Variants in STYXL2 observed in about 807,000 individuals in gnomAD.
The protein encoded by STYXL2 is serine/threonine/tyrosine-interacting-like protein 2.
In STYXL2, 44 loss-of-function variants were observed where a neutral mutation model predicts 52.4. That is an observed-to-expected ratio of 0.84 (90% CI 0.66 to 1.08). STYXL2 has a LOEUF of 1.08. STYXL2 is among the 50% of genes least tolerant of loss of function. The pLI is 0.00. For missense variants in STYXL2, 1,604 were observed against 1,471.7 expected (o/e 1.09, Z -1.47); for synonymous variants, 604 against 586.9 (o/e 1.03, Z -0.42).
At chr1:167,109,974 T>C (rs1478925112) in intron 2 of STYXL2, among the ~76,000 whole-genome samples, 1 of 152,120 alleles carries the variant, frequency 6.6e-6, no homozygotes, top group Non-Finnish European at 1.5e-5. Flanking sequence ...TCCATTTCAC[T>C]CCCCTACTAC....
intron 4 of STYXL2, among the ~76,000 whole-genome samples, chr1:167,118,352 C>T (rs964799192): frequency 2.6e-5 from 4 of 152,208 alleles, no homozygotes; most frequent in Non-Finnish European, 4.4e-5. Flanking sequence ...GAGATGTTTT[C>T]CCAGTGTAAT....
chr1:167,124,670 G>A (rs947715391), intron 5 of STYXL2, among the ~76,000 whole-genome samples: 1 of 152,164 alleles, frequency 6.6e-6, no homozygotes, highest in Non-Finnish European at 1.5e-5. Context: ...GATGTTAGTA[G>A]GAATTTGTGA....
Position 167,113,715 on chromosome 1 carries a change from C to T in STYXL2, c.116C>T (p.Ser39Leu), listed in dbSNP as rs758520701. 5 of 1,611,964 alleles carry T rather than the reference C, an allele frequency of 3.1e-6. No homozygotes were observed. The highest frequency in any genetic ancestry group is 3.3e-5 in the Admixed American group (2 of 60,000). The change falls in exon 3 of 6, where the codon TCG becomes TTG. Residue 39 changes from serine (S) to leucine (L), a missense_variant. Transcript: ENST00000361200. ...YLRSPSPSQY[S>L]MVSDAETESI... ...TGAATATCCTCTTCCCTTAGGTATT[C>T]GATGGTCTCAGATGCAGAAACAGAA...
At chr1:167,113,100 C>G (rs1390854989) in intron 2 of STYXL2, among the ~76,000 whole-genome samples, 1 of 151,686 alleles carries the variant, frequency 6.6e-6, no homozygotes, top group African/African-American at 2.4e-5. Flanking sequence ...ACCCAAGTTA[C>G]TTTCTTTGCA....
At chr1:167,112,756 G>A (rs1164363958) in intron 2 of STYXL2, among the ~76,000 whole-genome samples, 4 of 152,100 alleles carry the variant, frequency 2.6e-5, no homozygotes, top group African/African-American at 7.2e-5. Context: ...TTTTCTCATC[G>A]GTAATGCAGG....
chr1:167,120,028 C>T (rs1404730670), intron 5 of STYXL2, among the ~76,000 whole-genome samples: 1 of 152,188 alleles, frequency 6.6e-6, no homozygotes, highest in East Asian at 1.9e-4. Context: ...GTTGAAGTGG[C>T]AGAGGTTCCC....
At chr1:167,102,966 T>A (rs1377836465) in intron 2 of STYXL2, among the ~76,000 whole-genome samples, 1 of 105,658 alleles carries the variant, frequency 9.5e-6, no homozygotes, top group Non-Finnish European at 2.3e-5. Flanking sequence ...CAAGAGAAAT[T>A]TATTTTCTCA....
At chr1:167,108,273 G>A (rs1190852064) in intron 2 of STYXL2, among the ~76,000 whole-genome samples, 1 of 152,126 alleles carries the variant, frequency 6.6e-6, no homozygotes, top group Non-Finnish European at 1.5e-5. Flanking sequence ...TAGAGACACA[G>A]GTAAATAAGA....
rs1668006208 is a variant in STYXL2 at position 167,127,715 on chromosome 1, G to A, written c.2584G>A (p.Asp862Asn). The change falls in exon 6 of 6, where the codon GAC becomes AAC. Residue 862 changes from aspartate (D) to asparagine (N), a missense_variant. Asp to Asn is a conservative substitution (Grantham distance 23). Transcript: ENST00000361200. ...GTACAAAATGGAAAAGCTGGCCTCA[G>A]ACAACAAACGCAGCTCCCTCTTCAA... ...SEYKMEKLAS[D>N]NKRSSLFKKK... 6.2e-7 allele frequency: 1 copy of A among 1,614,082 alleles called. No individual in the cohort carries two copies. Among genetic ancestry groups the A allele is most frequent in the Non-Finnish European group, 8.5e-7 (1 of 1,180,008 alleles).
At chr1:167,102,098 C>A (rs1005195602) in intron 2 of STYXL2, among the ~76,000 whole-genome samples, 2 of 151,678 alleles carry the variant, frequency 1.3e-5, no homozygotes, top group Non-Finnish European at 2.9e-5. Context: ...AAAATGCAAA[C>A]CCATCTCTAC....
Position 167,127,611 on chromosome 1 carries a change from T to C in STYXL2, c.2480T>C (p.Phe827Ser). The C allele has an allele frequency of 1.2e-6, 2 of 1,614,124 alleles. No individual in the cohort carries two copies. The highest frequency in any genetic ancestry group is 1.7e-6 in the Non-Finnish European group (2 of 1,180,008). The change falls in exon 6 of 6, where the codon TTT becomes TCT. Residue 827 changes from phenylalanine to serine, a missense_variant. Physicochemically the swap from Phe to Ser is radical, Grantham distance 155. Coordinates refer to ENST00000361200, the MANE Select transcript of STYXL2 (RefSeq NM_001080426.3). ...RGTSKPIFSL[F>S]ADNVDLKELG... ...ACCAGCAAGCCCATCTTCAGCCTCT[T>C]TGCTGACAATGTGGACCTAAAGGAA...
In STYXL2 at chr1:167,125,767, C is replaced by T; in HGVS notation, c.656-20C>T. ...GAAGCCACTGTCATTACATCATTTTCTCTTGTGTTTTCATTTCAGGGAAAG... is the reference window on the plus strand; with the variant it reads ...GAAGCCACTGTCATTACATCATTTTTTCTTGTGTTTTCATTTCAGGGAAAG... On this transcript the variant is annotated intron_variant, in intron 5 of 5. Transcript: ENST00000361200. The T allele has an allele frequency of 6.4e-7, 1 of 1,561,948 alleles. No homozygotes were observed. The highest frequency in any genetic ancestry group is 1.2e-5 in the South Asian group (1 of 82,768).
chr1:167,126,660 A>G lies in STYXL2; in HGVS notation c.1529A>G (p.Glu510Gly). Residue 510 changes from glutamate (E) to glycine (G), a missense_variant, in exon 6 of 6, where the codon GAA becomes GGA. Glu to Gly is a moderately conservative substitution (Grantham distance 98, BLOSUM62 -2). Transcript: ENST00000361200. ...KREEAADRSS[E>G]AGSRVREDDE... ...GAGGAGGCGGCAGACAGGAGCTCAG[A>G]AGCAGGGAGCAGGGTGCGGGAGGAT... 1 of 1,614,138 alleles carries G rather than the reference A, an allele frequency of 6.2e-7. No individual in the cohort carries two copies. The highest frequency in any genetic ancestry group is 8.5e-7 in the Non-Finnish European group (1 of 1,180,018).
At chr1:167,122,570 C>A (rs1667879452) in intron 5 of STYXL2, among the ~76,000 whole-genome samples, 1 of 151,998 alleles carries the variant, frequency 6.6e-6, no homozygotes, top group African/African-American at 2.4e-5. Context: ...CAATTGCCTG[C>A]CATATAAAGA....
chr1:167,115,922 T>A (rs1361924695), intron 3 of STYXL2, among the ~76,000 whole-genome samples: 1 of 152,142 alleles, frequency 6.6e-6, no homozygotes, highest in Admixed American at 6.5e-5. Flanking sequence ...CAAGGCTCCC[T>A]GGATTTGCAG....
At position 167,127,684 on chromosome 1, in the gene STYXL2, G is replaced by A. The variant is rs1335720214; in HGVS notation, c.2553G>A (p.Met851Ile). The A allele has an allele frequency of 1.2e-6, 2 of 1,614,134 alleles. No individual in the cohort carries two copies. Among genetic ancestry groups the A allele is most frequent in the Non-Finnish European group, 1.7e-6 (2 of 1,180,030 alleles). The change falls in exon 6 of 6, where the codon ATG becomes ATA. Residue 851 changes from methionine to isoleucine, a missense_variant. By Grantham distance (10) the Met-to-Ile change is conservative. Coordinates refer to ENST00000361200, the MANE Select transcript of STYXL2 (RefSeq NM_001080426.3). ...TGCAGATGGAGCTTAGGGAGAAGAT[G>A]TCTGAGTACAAAATGGAAAAGCTGG... is the stretch of plus-strand genomic sequence containing the variant. ...KEMQMELREK[M>I]SEYKMEKLAS... is the part of the protein sequence containing the mutation.
rs746789266 is a variant in STYXL2, at chr1:167,125,896, G to A, written c.765G>A (p.Val255=). Residue 255 remains valine (V), a synonymous_variant, in exon 6 of 6, where the codon GTG becomes GTA. Coordinates refer to ENST00000361200, the MANE Select transcript of STYXL2 (RefSeq NM_001080426.3). ...CCATCCTGGAGGCTTTGATGACCGT[G>A]CGTAAGAAGCGGGCCATCTACCCCA... is the stretch of plus-strand genomic sequence containing the variant. ...NMAILEALMT[V]RKKRAIYPNE... 6.2e-6 allele frequency: 10 copies of A among 1,614,012 alleles called. No individual in the cohort carries two copies. In the Middle Eastern group the frequency reaches 4.9e-4, roughly 80 times the overall value.
intron 2 of STYXL2, 141 bp downstream of exon 2, chr1:167,095,100 C>T: frequency 1.6e-6 from 1 of 636,792 alleles, no homozygotes; most frequent in Non-Finnish European, 2.8e-6. Context: ...TGTATGTGTC[C>T]TACTTTCTGG....
chr1:167,095,641 G>A (rs1402097779), intron 2 of STYXL2, among the ~76,000 whole-genome samples: 3 of 152,090 alleles, frequency 2.0e-5, no homozygotes, highest in Non-Finnish European at 2.9e-5. Context: ...AAGAAATGTC[G>A]TGCTTAATTG....
Sources: gnomAD v4.1 joint callset for allele counts (sites outside exome capture counted in the v4.1 genomes callset) on GRCh38, gnomAD v4.1.1 for gene constraint, MANE v1.5 for transcripts, NCBI Gene and HGNC (gene_info 2026-07-23, HGNC 2026-07-21) for gene names.